CD320: variants seen among roughly 807,000 people sequenced by gnomAD.
CD320 encodes CD320 molecule.
A neutral mutation model predicts 22.1 loss-of-function variants in CD320; 16 were observed. That is an observed-to-expected ratio of 0.73 (90% CI 0.49 to 1.10). The LOEUF is 1.10. Ranked by LOEUF, CD320 falls within the 50% of genes least tolerant of loss-of-function variation. The pLI is 0.00. For synonymous variants in CD320, 188 were observed against 167.8 expected (o/e 1.12, Z -0.93); for missense variants, 388 against 376.9 (o/e 1.03, Z -0.24).
At chr19:8,304,688 C>CTTTT in intron 2 of CD320, 1 of 207,644 alleles carries the variant, frequency 4.8e-6, no homozygotes, top group East Asian at 1.2e-4. Context: ...TTTCATTTTT[C>CTTTT]TTTTTTTTTT....
chr19:8,305,151 T>C lies in CD320; in HGVS notation c.148A>G (p.Ser50Gly). 6.2e-7 allele frequency: 1 copy of C among 1,603,242 alleles called. No homozygotes were observed. Among genetic ancestry groups the C allele is most frequent in the Middle Eastern group, 1.7e-4 (1 of 6,052 alleles). Residue 50 changes from serine to glycine, a missense_variant, in exon 2 of 5, where the codon AGC (serine) becomes GGC (glycine). Coordinates refer to ENST00000301458, the MANE Select transcript of CD320 (RefSeq NM_016579.4). Reference protein sequence around the residue: ...TPTSAQAAGPSSGSCPPTKFQ... With the variant: ...TPTSAQAAGPGSGSCPPTKFQ... Reference sequence around the variant, plus strand: ...TTGGTGGGTGGGCACGAGCCTGAGCTGGGGCCTGCGAGATGGATGCAAATG... The same window carrying C: ...TTGGTGGGTGGGCACGAGCCTGAGCCGGGGCCTGCGAGATGGATGCAAATG...
rs1426451270 is a variant in CD320, at chr19:8,303,890, G to A, written c.467C>T (p.Pro156Leu). ...IPLTWRCDGH[P>L]DCPDSSDELG... Reference sequence around the variant, plus strand: ...CTCGTCGCTGGAGTCGGGACAGTCTGGGTGGCCGTCGCAGCGCCACGTGAG... The same window carrying A: ...CTCGTCGCTGGAGTCGGGACAGTCTAGGTGGCCGTCGCAGCGCCACGTGAG... Residue 156 changes from proline to leucine, a missense_variant, in exon 3 of 5, where the codon CCA becomes CTA. Coordinates refer to ENST00000301458, the MANE Select transcript of CD320 (RefSeq NM_016579.4). 6.2e-7 allele frequency: 1 copy of A among 1,605,334 alleles called. No individual in the cohort carries two copies. Among genetic ancestry groups the A allele is most frequent in the Non-Finnish European group, 8.5e-7 (1 of 1,176,530 alleles).
rs754469537 is a variant in CD320 at position 8,302,931 on chromosome 19, A to AG, written c.551dup (p.Val185CysfsTer188). The AG allele has an allele frequency of 4.8e-5, 77 of 1,614,008 alleles. No individual in the cohort carries two copies. Among genetic ancestry groups the AG allele is most frequent in the Non-Finnish European group, 6.2e-5 (73 of 1,180,022 alleles). ...GAGAGGTGACACTCTCCAGGGTCAC[A>AG]GGGGGCCCCATGGTTGTGGCATCCC... is the stretch of plus-strand genomic sequence containing the variant. On this transcript the variant is annotated frameshift_variant, in exon 4 of 5. Transcript: ENST00000301458. LOFTEE classifies it high-confidence loss of function.
chr19:8,308,073 C>G, intron 1 of CD320, 76 bp downstream of exon 1: 1 of 1,350,360 alleles, frequency 7.4e-7, no homozygotes, highest in South Asian at 1.6e-5. Context: ...CAGCCAGTGA[C>G]TAGGCGTTGT....
chr19:8,304,567 G>T (rs1335771500), intron 2 of CD320, among the ~76,000 whole-genome samples: 1 of 152,062 alleles, frequency 6.6e-6, no homozygotes, highest in Non-Finnish European at 1.5e-5. Flanking sequence ...GGTCTCGAAC[G>T]CCTGACCTCA....
At chr19:8,307,217 G>A (rs545015889) in intron 1 of CD320, among the ~76,000 whole-genome samples, 2 of 151,712 alleles carry the variant, frequency 1.3e-5, no homozygotes, top group Non-Finnish European at 2.9e-5. Flanking sequence ...GCTTAAACCC[G>A]GGAGGCGGAG....
rs1257852997 is a variant in CD320, at chr19:8,302,894, T to C, written c.589A>G (p.Thr197Ala). Residue 197 changes from threonine (T) to alanine (A), a missense_variant, in exon 4 of 5, where the codon ACA becomes GCA. By Grantham distance (58) the Thr-to-Ala change is moderately conservative. Coordinates refer to ENST00000301458, the MANE Select transcript of CD320 (RefSeq NM_016579.4). The part of the protein sequence containing the change: ...LESVTSLRNA[T>A]TMGPPVTLES... ...AGGGTCACAGGGGGCCCCATGGTTGTGGCATTCCTGAGAGAGGTGACACTC... is the reference window on the plus strand; with the variant it reads ...AGGGTCACAGGGGGCCCCATGGTTGCGGCATTCCTGAGAGAGGTGACACTC... 6.2e-7 allele frequency: 1 copy of C among 1,614,026 alleles called. No individual in the cohort carries two copies. Among genetic ancestry groups the C allele is most frequent in the East Asian group, 2.2e-5 (1 of 44,870 alleles).
chr19:8,308,306 G>A lies in CD320; in HGVS notation c.-16C>T, dbSNP rs763632326. 2 of 1,583,776 alleles carry A rather than the reference G, an allele frequency of 1.3e-6. No homozygotes were observed. Among genetic ancestry groups the A allele is most frequent in the East Asian group, 2.3e-5 (1 of 43,874 alleles). On this transcript the variant is annotated 5_prime_UTR_variant, in exon 1 of 5. Transcript: ENST00000301458. ...CGCCGCTCATGCTGTCCCCACAGCG[G>A]CGCCGGCCACGCGCTGTCCAGACCG...
chr19:8,303,765 TGTGTCCACGCCCCCAGC>T (rs1384573006), intron 3 of CD320, 73 bp downstream of exon 3: 3 of 853,308 alleles, frequency 3.5e-6, no homozygotes, highest in Middle Eastern at 2.9e-4. Context: ...GGCAAAGGCA[TGTGTCCACGCCCCCAGC>T]CTGGCCACGC....
At chr19:8,307,869 GAC>G (rs1599625426) in intron 1 of CD320, among the ~76,000 whole-genome samples, 1 of 152,152 alleles carries the variant, frequency 6.6e-6, no homozygotes, top group Non-Finnish European at 1.5e-5. Flanking sequence ...GCTTGGAGGT[GAC>G]AATGGGGGAC....
At chr19:8,307,412 T>A (rs1021452824) in intron 1 of CD320, among the ~76,000 whole-genome samples, 1 of 151,582 alleles carries the variant, frequency 6.6e-6, no homozygotes, top group Non-Finnish European at 1.5e-5. Flanking sequence ...TCCAGGGACC[T>A]AGAAGTGCGG....
At position 8,302,930 on chromosome 19, in the gene CD320, CA is replaced by C. The variant is rs1970030820; in HGVS notation, c.552del (p.Val185Ter). 1.2e-6 allele frequency: 2 copies of C among 1,614,120 alleles called. No homozygotes were observed. Among genetic ancestry groups the C allele is most frequent in the Non-Finnish European group, 1.7e-6 (2 of 1,180,022 alleles). ...AGAGAGGTGACACTCTCCAGGGTCA[CA>C]GGGGGCCCCATGGTTGTGGCATCCC... ...PEGDATTMGP[P>X]VTLESVTSLR... On this transcript the variant is annotated frameshift_variant, in exon 4 of 5. Coordinates refer to ENST00000301458, the MANE Select transcript of CD320 (RefSeq NM_016579.4). LOFTEE classifies it high-confidence loss of function.
In CD320 at chr19:8,308,130, G is replaced by T; in HGVS notation, c.142+19C>A. 6.7e-7 allele frequency: 1 copy of T among 1,482,742 alleles called. No individual in the cohort carries two copies. The highest frequency in any genetic ancestry group is 8.9e-7 in the Non-Finnish European group (1 of 1,126,140). The allele number at this position is 1,482,742 out of a possible 1,614,324, so 91.8% of individuals were successfully genotyped here. Reference sequence around the variant, plus strand: ...AGCCTCGCGAGGGGTGGGAGCCCGCGCTGCGGGGCGTCACTCACCTGCGGC... The same window carrying T: ...AGCCTCGCGAGGGGTGGGAGCCCGCTCTGCGGGGCGTCACTCACCTGCGGC... On this transcript the variant is annotated intron_variant, in intron 1 of 4. Transcript: ENST00000301458.
At chr19:8,308,123 A>C in intron 1 of CD320, 26 bp downstream of exon 1, 1 of 1,469,276 alleles carries the variant, frequency 6.8e-7, no homozygotes, top group South Asian at 1.4e-5. Context: ...GAGGGGTGGG[A>C]GCCCGCGCTG....
chr19:8,305,458 A>G (rs1458902959), intron 1 of CD320: 3 of 351,116 alleles, frequency 8.5e-6, no homozygotes, highest in African/African-American at 2.1e-5. Flanking sequence ...CTGTAATCTC[A>G]GCACTTTGGC....
intron 3 of CD320, 27 bp from the exon 4 acceptor site, chr19:8,303,007 T>C (rs1359978910): frequency 1.2e-6 from 2 of 1,604,612 alleles, no homozygotes; most frequent in Admixed American, 3.4e-5. Context: ...CGTTCAGTAG[T>C]TGAGGAGAGA....
chr19:8,303,289 G>GT (rs1216936956), intron 3 of CD320, among the ~76,000 whole-genome samples: 2 of 151,942 alleles, frequency 1.3e-5, no homozygotes, highest in African/African-American at 2.4e-5. Flanking sequence ...GCTAACTTTT[G>GT]TATTTTTAGT....
intron 2 of CD320, 151 bp from the exon 3 acceptor site, chr19:8,304,239 A>C (rs1970054431): frequency 1.7e-6 from 1 of 604,374 alleles, no homozygotes; most frequent in South Asian, 2.1e-5. Context: ...GCAACTGTTA[A>C]CTCCACTTTC....
chr19:8,304,648 C>A, intron 2 of CD320: 1 of 254,530 alleles, frequency 3.9e-6, no homozygotes, highest in Non-Finnish European at 7.8e-6. Context: ...TGGCTCCCTC[C>A]CTCTCTCTTT....
Sources: allele counts gnomAD v4.1 joint callset (sites outside exome capture counted in the v4.1 genomes callset), GRCh38; gene constraint gnomAD v4.1.1; transcripts MANE v1.5; gene names NCBI Gene and HGNC (gene_info 2026-07-23, HGNC 2026-07-21).